The following SLC16A3 variants were observed in gnomAD, a reference collection of about 807,000 sequenced individuals.
SLC16A3 encodes monocarboxylate transporter 4.
Under a neutral mutation model 25.0 loss-of-function variants are expected in SLC16A3, and 22 were observed. The observed-to-expected ratio is 0.88, with a 90% CI of 0.63 to 1.26. The LOEUF (loss-of-function observed/expected upper bound fraction) is 1.26, where lower values mean the gene tolerates loss of function less well. SLC16A3 is among the 50% of genes most tolerant of loss of function. SLC16A3 has a pLI of 0.00. For missense variants in SLC16A3, 731 were observed against 666.6 expected, an observed-to-expected ratio of 1.10 and a Z score of -1.06; for synonymous variants, 390 against 309.2, an observed-to-expected ratio of 1.26 and a Z score of -2.74.
Position 82,239,888 on chromosome 17 carries a change from G to T in SLC16A3, c.*912G>T. 1.3e-6 allele frequency: 1 copy of T among 780,332 alleles called. No individual in the cohort carries two copies. The highest frequency in any genetic ancestry group is 1.7e-6 in the Non-Finnish European group (1 of 575,200). The allele number at this position is 780,332 out of a possible 1,614,324, so 48.3% of individuals were successfully genotyped here. On this transcript the variant is annotated 3_prime_UTR_variant, in exon 5 of 5. Coordinates refer to ENST00000582743, the MANE Select transcript of SLC16A3 (RefSeq NM_004207.4). ...CCATCCAGCCCGGCCCAGCGCTTGG[G>T]CTTGTCCTGGACACCTAACACCCAC...
At chr17:82,221,249 A>G (rs1391141786) in intron 1 of SLC16A3, among the ~76,000 whole-genome samples, 2 of 152,208 alleles carry the variant, frequency 1.3e-5, no homozygotes, top group Non-Finnish European at 2.9e-5. Flanking sequence ...TAAGAGTTTA[A>G]TACCCAGAAC....
At chr17:82,224,425 T>G (rs1599548700), upstream of SLC16A3, among the ~76,000 whole-genome samples, 1 of 51,624 alleles carries the variant, frequency 1.9e-5, no homozygotes. Flanking sequence ...CCCCTACACC[T>G]TGCAGTCACC....
intron 1 of SLC16A3, among the ~76,000 whole-genome samples, chr17:82,221,178 T>A (rs1204288232): frequency 6.6e-6 from 1 of 152,126 alleles, no homozygotes; most frequent in East Asian, 1.9e-4. Context: ...TACAATTTTG[T>A]GCATCAAAGG....
At chr17:82,237,017 G>T in intron 3 of SLC16A3, 121 bp from the exon 4 acceptor site, 1 of 1,453,294 alleles carries the variant, frequency 6.9e-7, no homozygotes. Flanking sequence ...CTCTCGAGTG[G>T]GTGGGTGGCA....
upstream of SLC16A3, among the ~76,000 whole-genome samples, chr17:82,227,317 G>GGGGTTCA (rs964708904): frequency 6.6e-6 from 1 of 152,040 alleles, no homozygotes; most frequent in Non-Finnish European, 1.5e-5. Context: ...CTCTACGGTG[G>GGGGTTCA]GGGTTCAGGG....
chr17:82,223,324 C>A (rs4458054), intron 1 of SLC16A3, among the ~76,000 whole-genome samples: 16,290 of 151,850 alleles, frequency 0.11, 1,922 homozygotes, highest in African/African-American at 0.3. Context: ...TTGGGATTAC[C>A]GGCATGTGCC....
At chr17:82,231,074 T>G (rs1454373751) in intron 1 of SLC16A3, 18 of 152,138 alleles carry the variant, frequency 1.2e-4, no homozygotes, top group Admixed American at 1.1e-3. Flanking sequence ...TAGCGTCCAG[T>G]AGGGCGCCTA....
intron 1 of SLC16A3, chr17:82,234,947 A>G (rs942054986): frequency 6.6e-6 from 1 of 152,196 alleles, no homozygotes; most frequent in Non-Finnish European, 1.5e-5. Context: ...CCCAGCAGGG[A>G]GAGGCTGAGC....
At chr17:82,236,383 A>C in intron 2 of SLC16A3, 152 bp downstream of exon 2, 2 of 754,408 alleles carry the variant, frequency 2.7e-6, no homozygotes, top group Admixed American at 5.0e-5. Flanking sequence ...GCTGGGCAGC[A>C]ACATGCTCTC....
chr17:82,226,998 T>C (rs1452727851), upstream of SLC16A3, among the ~76,000 whole-genome samples: 1 of 152,140 alleles, frequency 6.6e-6, no homozygotes, highest in Non-Finnish European at 1.5e-5. Context: ...ACTTGACCTC[T>C]CTGCTGGGAG....
At chr17:82,232,607 C>T (rs2147119571) in intron 1 of SLC16A3, among the ~76,000 whole-genome samples, 1 of 152,338 alleles carries the variant, frequency 6.6e-6, no homozygotes, top group Non-Finnish European at 1.5e-5. Flanking sequence ...CACCCAGGTC[C>T]TGAGGACTTC....
At chr17:82,226,770 C>T (rs183877496), upstream of SLC16A3, among the ~76,000 whole-genome samples, 6 of 152,194 alleles carry the variant, frequency 3.9e-5, no homozygotes, top group East Asian at 1.9e-4. Context: ...CCAGAATCCT[C>T]GGAGAGGGGC....
chr17:82,234,984 C>T (rs2050573377), intron 1 of SLC16A3: 1 of 152,266 alleles, frequency 6.6e-6, no homozygotes, highest in African/African-American at 2.4e-5. Flanking sequence ...CCCAAGGTCT[C>T]AGGTTGCAGC....
chr17:82,236,672 C>A, intron 2 of SLC16A3, 57 bp from the exon 3 acceptor site: 1 of 1,573,524 alleles, frequency 6.4e-7, no homozygotes, highest in East Asian at 2.3e-5. Context: ...GCTCAGTCGG[C>A]TGGCGGGGGT....
upstream of SLC16A3, among the ~76,000 whole-genome samples, chr17:82,225,437 G>A (rs1043158905): frequency 5.3e-5 from 8 of 152,244 alleles, no homozygotes; most frequent in East Asian, 3.9e-4. Context: ...GCCTGGGCAC[G>A]TCCCGCCACA....
At chr17:82,225,458 G>T (rs1246219541), upstream of SLC16A3, among the ~76,000 whole-genome samples, 1 of 152,196 alleles carries the variant, frequency 6.6e-6, no homozygotes, top group Non-Finnish European at 1.5e-5. Flanking sequence ...CGCCCCGCGT[G>T]GGTCTGGAGT....
At chr17:82,224,829 C>A (rs2050412340), upstream of SLC16A3, among the ~76,000 whole-genome samples, 1 of 152,092 alleles carries the variant, frequency 6.6e-6, no homozygotes, top group Non-Finnish European at 1.5e-5. Flanking sequence ...CATAACCGGC[C>A]CTCTCATAAC....
At chr17:82,236,374 C>T in intron 2 of SLC16A3, 143 bp downstream of exon 2, 2 of 797,678 alleles carry the variant, frequency 2.5e-6, no homozygotes, top group Non-Finnish European at 4.0e-6. Context: ...CAGGATCCTG[C>T]TGGGCAGCAA....
chr17:82,234,071 A>G lies in SLC16A3; in HGVS notation c.-26-1912A>G, dbSNP rs553202955. The G allele has an allele frequency of 1.1e-3, 163 of 152,058 alleles. 1 individual carries two copies. Among genetic ancestry groups the G allele is most frequent in the African/African-American group, 3.7e-3 (153 of 41,430 alleles). 9.4% of individuals were successfully genotyped at this position (152,058 alleles called of 1,614,324 possible). ...TAGCCAGGATGGTCTCGATCTCCTG[A>G]CCTCGTGATCCGCCCGCCTTGGCCC... On this transcript the variant is annotated intron_variant, in intron 1 of 4. Transcript: ENST00000582743.
Sources: allele counts gnomAD v4.1 joint callset (sites outside exome capture counted in the v4.1 genomes callset), GRCh38; gene constraint gnomAD v4.1.1; transcripts MANE v1.5; gene names NCBI Gene and HGNC (gene_info 2026-07-23, HGNC 2026-07-21).